The following LUZP2 variants were observed in gnomAD, a reference collection of about 807,000 sequenced individuals.
LUZP2 encodes the protein leucine zipper protein 2.
Under a neutral mutation model 51.6 loss-of-function variants are expected in LUZP2, and 52 were observed. The observed-to-expected ratio is 1.01, with a 90% CI of 0.81 to 1.27. The LOEUF is 1.27. Ranked by LOEUF, LUZP2 falls within the 50% of genes most tolerant of loss-of-function variation. The probability of loss-of-function intolerance (pLI) is 0.00; values close to 1 mark genes in which losing one functional copy is unlikely to be tolerated. For synonymous variants in LUZP2, 154 were observed against 137.3 expected, an observed-to-expected ratio of 1.12 and a Z score of -0.85; for missense variants, 436 against 395.4, an observed-to-expected ratio of 1.10 and a Z score of -0.87.
At chr11:24,537,232 A>T (rs368346536) in intron 1 of LUZP2, among the ~76,000 whole-genome samples, 2 of 152,096 alleles carry the variant, frequency 1.3e-5, no homozygotes, top group East Asian at 3.9e-4. Context: ...GTAAAATGGC[A>T]CTGATAGGCT....
intron 5 of LUZP2, among the ~76,000 whole-genome samples, chr11:24,846,956 C>T (rs552316425): frequency 1.7e-3 from 250 of 151,352 alleles, no homozygotes; most frequent in African/African-American, 5.7e-3. Context: ...CACATATGTA[C>T]GTATATGTAT....
chr11:24,976,361 A>G (rs1855880115), intron 7 of LUZP2, among the ~76,000 whole-genome samples: 1 of 151,930 alleles, frequency 6.6e-6, no homozygotes, highest in South Asian at 2.1e-4. Flanking sequence ...TGAAGCATTT[A>G]GTGCATATTC....
At chr11:24,883,553 G>A (rs529514220) in intron 5 of LUZP2, among the ~76,000 whole-genome samples, 5 of 151,916 alleles carry the variant, frequency 3.3e-5, no homozygotes, top group Non-Finnish European at 7.4e-5. Flanking sequence ...GGCTTGAACT[G>A]CAGTATGAAA....
chr11:25,039,984 G>T (rs1857991568), intron 9 of LUZP2, among the ~76,000 whole-genome samples: 1 of 151,942 alleles, frequency 6.6e-6, no homozygotes, highest in Non-Finnish European at 1.5e-5. Flanking sequence ...AGTCAAAGAA[G>T]GCATGATTTT....
chr11:24,803,632 GA>G (rs1849761662), intron 5 of LUZP2, among the ~76,000 whole-genome samples: 1 of 152,044 alleles, frequency 6.6e-6, no homozygotes, highest in African/African-American at 2.4e-5. Context: ...TCATACAATG[GA>G]ATATTATTCA....
At chr11:24,741,363 C>T (rs1212705276) in intron 4 of LUZP2, among the ~76,000 whole-genome samples, 1 of 151,948 alleles carries the variant, frequency 6.6e-6, no homozygotes, top group Non-Finnish European at 1.5e-5. Flanking sequence ...TCACCAAAGG[C>T]TTGCATTTTC....
intron 7 of LUZP2, among the ~76,000 whole-genome samples, chr11:24,974,553 T>C (rs1278644143): frequency 1.3e-5 from 2 of 152,120 alleles, no homozygotes; most frequent in South Asian, 4.1e-4. Flanking sequence ...TGACAGATAA[T>C]CTTTCTACCA....
At chr11:24,525,978 T>A (rs1452514448) in intron 1 of LUZP2, among the ~76,000 whole-genome samples, 2 of 151,432 alleles carry the variant, frequency 1.3e-5, no homozygotes, top group African/African-American at 4.8e-5. Flanking sequence ...CTTCTTATAA[T>A]CCATGATTTT....
intron 10 of LUZP2, among the ~76,000 whole-genome samples, chr11:25,072,048 T>C (rs1171796100): frequency 6.6e-6 from 1 of 152,064 alleles, no homozygotes; most frequent in African/African-American, 2.4e-5. Context: ...TGGATATTAA[T>C]ATCCTTATTT....
intron 5 of LUZP2, among the ~76,000 whole-genome samples, chr11:24,832,323 C>A (rs994100175): frequency 6.6e-6 from 1 of 151,674 alleles, no homozygotes; most frequent in Non-Finnish European, 1.5e-5. Context: ...CCCTGATCAT[C>A]AAGCAAGAAA....
intron 4 of LUZP2, among the ~76,000 whole-genome samples, chr11:24,751,995 G>A (rs754068411): frequency 6.6e-6 from 1 of 151,890 alleles, no homozygotes; most frequent in African/African-American, 2.4e-5. Flanking sequence ...TACACTAAAC[G>A]GTGTAAGTAT....
chr11:24,770,672 C>T (rs12285836), intron 5 of LUZP2, among the ~76,000 whole-genome samples: 1,983 of 152,154 alleles, frequency 0.013, 48 homozygotes, highest in African/African-American at 0.045. Context: ...TAGCCATTGA[C>T]ACATATCCAG....
rs1859407687 is a variant in LUZP2 at position 25,079,355 on chromosome 11, C to T, written c.*697C>T. 1 of 152,058 alleles carries T rather than the reference C, an allele frequency of 6.6e-6. No individual in the cohort carries two copies. The highest frequency in any genetic ancestry group is 2.4e-5 in the African/African-American group (1 of 41,416). 9.4% of individuals were successfully genotyped at this position (152,058 alleles called of 1,614,324 possible). A position where few individuals can be genotyped will look rare whatever the true frequency, so the allele number is the denominator to read the frequency against. On this transcript the variant is annotated 3_prime_UTR_variant, in exon 12 of 12. Transcript: ENST00000336930. ...TAGACACATCTCCTATGTATGTCTA[C>T]TGTAATTAATCCAAGTTAATAACCA...
At chr11:25,013,982 G>A (rs1857060439) in intron 9 of LUZP2, among the ~76,000 whole-genome samples, 1 of 151,782 alleles carries the variant, frequency 6.6e-6, no homozygotes, top group Non-Finnish European at 1.5e-5. Context: ...TCCCACCTAT[G>A]AGTGAGAACA....
intron 9 of LUZP2, among the ~76,000 whole-genome samples, chr11:25,002,738 C>T (rs765734504): frequency 1.2e-4 from 19 of 152,320 alleles, no homozygotes; most frequent in Middle Eastern, 3.4e-3. Context: ...TATCCCTGCT[C>T]TCTCTCTGAT....
chr11:24,969,216 A>G (rs1441789152), intron 7 of LUZP2, among the ~76,000 whole-genome samples: 2 of 151,794 alleles, frequency 1.3e-5, no homozygotes, highest in Admixed American at 6.6e-5. Flanking sequence ...TTGTGTTCCT[A>G]TGTTCTTATC....
chr11:25,031,580 T>G (rs1857687918), intron 9 of LUZP2, among the ~76,000 whole-genome samples: 1 of 152,178 alleles, frequency 6.6e-6, no homozygotes, highest in African/African-American at 2.4e-5. Flanking sequence ...CTGTTTATAC[T>G]TTTCATTCTA....
chr11:24,716,206 G>A (rs1450998187), intron 1 of LUZP2, among the ~76,000 whole-genome samples: 1 of 152,162 alleles, frequency 6.6e-6, no homozygotes, highest in Non-Finnish European at 1.5e-5. Context: ...ATGGAAGTTT[G>A]TGTTTCTACA....
At chr11:24,812,675 G>A (rs908949065) in intron 5 of LUZP2, among the ~76,000 whole-genome samples, 3 of 152,144 alleles carry the variant, frequency 2.0e-5, no homozygotes, top group Non-Finnish European at 4.4e-5. Context: ...CCAAGGATTA[G>A]GTATGAAGGG....
Sources: gnomAD v4.1 joint callset for allele counts (sites outside exome capture counted in the v4.1 genomes callset) on GRCh38, gnomAD v4.1.1 for gene constraint, MANE v1.5 for transcripts, NCBI Gene and HGNC (gene_info 2026-07-23, HGNC 2026-07-21) for gene names.